Variants in PSTPIP2 observed in about 807,000 individuals in gnomAD.
PSTPIP2 encodes proline-serine-threonine phosphatase-interacting protein 2.
PSTPIP2 carries 33 observed loss-of-function variants against 63.3 expected under a neutral mutation model. That is an observed-to-expected ratio of 0.52 (90% CI 0.40 to 0.70). The LOEUF is 0.70. Among genes scored for constraint, PSTPIP2 ranks in the 30% least tolerant of loss-of-function variants. PSTPIP2 has a pLI of 0.00. For synonymous variants in PSTPIP2, 125 were observed against 132.7 expected, an observed-to-expected ratio of 0.94 and a Z score of 0.40; for missense variants, 312 against 400.7, an observed-to-expected ratio of 0.78 and a Z score of 1.89.
chr18:46,006,360 CT>C lies in PSTPIP2; in HGVS notation c.355-830del, dbSNP rs756384731. ...TGAGCCACCATGCCCAGCCCTGGTA[CT>C]TTTTTTTTTTTTTTTTTTTTTTTTT... is the stretch of plus-strand genomic sequence containing the variant. On this transcript the variant is annotated intron_variant, in intron 5 of 14. Transcript: ENST00000409746. Among the ~76,000 whole-genome samples the C allele has an allele frequency of 6.9e-5, 8 of 115,644 alleles. 2 individuals are homozygous for C. The highest frequency in any genetic ancestry group is 3.0e-4 in the African/African-American group (8 of 27,116). The allele number at this position is 115,644 out of a possible 152,430, so 75.9% of individuals were successfully genotyped here.
At chr18:46,054,678 T>TG (rs34907961) in intron 1 of PSTPIP2, among the ~76,000 whole-genome samples, 2 of 151,602 alleles carry the variant, frequency 1.3e-5, no homozygotes, top group African/African-American at 4.8e-5. Flanking sequence ...TTTTTTTTTT[T>TG]GAGACAGAGT....
rs1908048578 is a variant in PSTPIP2, at chr18:46,038,100, A to AC, written c.134+1846dup. Among the ~76,000 whole-genome samples, 3 of 152,244 alleles carry AC rather than the reference A, an allele frequency of 2.0e-5. No individual in the cohort carries two copies. In the East Asian group the frequency reaches 5.8e-4, roughly 29 times the overall value. ...TTGAAAGACAGGATCTCACTCTGTC[A>AC]CCCAGGCTAGAGGGCAGTGGTGCAA... On this transcript the variant is annotated intron_variant, in intron 2 of 14. Transcript: ENST00000409746.
chr18:45,988,724 A>G lies in PSTPIP2; in HGVS notation c.991T>C (p.Leu331=). 6.4e-7 allele frequency: 1 copy of G among 1,563,054 alleles called. No homozygotes were observed. The highest frequency in any genetic ancestry group is 8.8e-7 in the Non-Finnish European group (1 of 1,133,950). ...PNYSLVDDYS[L]LYQ is the part of the protein sequence containing the mutation. ...TACCATTGATTTTACTGATAGAGCAAACTGTAGTCATCAACCAAAGAGTAA... is the reference window on the plus strand; with the variant it reads ...TACCATTGATTTTACTGATAGAGCAGACTGTAGTCATCAACCAAAGAGTAA... Residue 331 remains leucine, a synonymous_variant, in exon 14 of 15, where the codon TTG becomes CTG. Coordinates refer to ENST00000409746, the MANE Select transcript of PSTPIP2 (RefSeq NM_024430.4).
intron 1 of PSTPIP2, among the ~76,000 whole-genome samples, chr18:46,069,256 A>C (rs1224792832): frequency 6.6e-6 from 1 of 152,092 alleles, no homozygotes; most frequent in Non-Finnish European, 1.5e-5. Flanking sequence ...TCATCCCAAA[A>C]ACTGGAATTT....
chr18:46,026,460 A>T (rs1907584138), intron 2 of PSTPIP2, among the ~76,000 whole-genome samples: 1 of 152,246 alleles, frequency 6.6e-6, no homozygotes, highest in South Asian at 2.1e-4. Context: ...ATGTATATAC[A>T]ACTTATTCTT....
rs566253142 is a variant in PSTPIP2, at chr18:46,001,657, G to A, written c.418-2123C>T. On this transcript the variant is annotated intron_variant, in intron 6 of 14. Transcript: ENST00000409746. ...CTTATAAAACTGAAATTCTATGCCC[G>A]TTAAACAATAACATCTCAACTTCTT... Among the ~76,000 whole-genome samples the A allele has an allele frequency of 1.5e-4, 23 of 152,070 alleles. No homozygotes were observed. In the South Asian group the frequency reaches 3.1e-3, roughly 21 times the overall value.
chr18:46,003,146 AC>A (rs761255124), intron 6 of PSTPIP2, among the ~76,000 whole-genome samples: 6 of 152,172 alleles, frequency 3.9e-5, no homozygotes, highest in Admixed American at 2.0e-4. Flanking sequence ...AGTGTGTGTG[AC>A]CCAGTTACTA....
chr18:46,003,399 G>C (rs2051689932), intron 6 of PSTPIP2, among the ~76,000 whole-genome samples: 1 of 152,172 alleles, frequency 6.6e-6, no homozygotes, highest in Admixed American at 6.5e-5. Context: ...GCCTGGTGTG[G>C]TGGAAGTTTA....
chr18:46,052,727 A>T (rs181203627), intron 1 of PSTPIP2, among the ~76,000 whole-genome samples: 177 of 152,336 alleles, frequency 1.2e-3, no homozygotes, highest in African/African-American at 4.1e-3. Context: ...CCCAGACAAA[A>T]GTAGATTTAC....
intron 13 of PSTPIP2, among the ~76,000 whole-genome samples, chr18:45,990,119 G>A (rs1187321682): frequency 1.3e-5 from 2 of 152,126 alleles, no homozygotes; most frequent in Non-Finnish European, 2.9e-5. Context: ...TAATCCAAGG[G>A]GAACTATATC....
At chr18:46,060,203 C>A (rs1431967385) in intron 1 of PSTPIP2, among the ~76,000 whole-genome samples, 1 of 152,000 alleles carries the variant, frequency 6.6e-6, no homozygotes, top group East Asian at 1.9e-4. Flanking sequence ...TGTTTTAAAT[C>A]ATAATTTTTA....
At chr18:46,059,631 T>C (rs149925256) in intron 1 of PSTPIP2, among the ~76,000 whole-genome samples, 2 of 152,340 alleles carry the variant, frequency 1.3e-5, no homozygotes, top group African/African-American at 4.8e-5. Context: ...ATAATATTTT[T>C]CAAAGTGTCT....
chr18:46,028,788 T>C, intron 2 of PSTPIP2: 1 of 1,289,742 alleles, frequency 7.8e-7, no homozygotes, highest in Non-Finnish European at 1.1e-6. Flanking sequence ...GAGGAGTACC[T>C]GCCTGGGCAG....
At chr18:46,028,897 C>T in intron 2 of PSTPIP2, 1 of 1,571,334 alleles carries the variant, frequency 6.4e-7, no homozygotes, top group South Asian at 1.1e-5. Context: ...ATCAACTTCT[C>T]TTCCAAGAGG....
chr18:46,069,932 G>A (rs560766137), intron 1 of PSTPIP2, among the ~76,000 whole-genome samples: 3 of 152,032 alleles, frequency 2.0e-5, no homozygotes, highest in East Asian at 3.9e-4. Context: ...TCTTTTACTT[G>A]TCACCTCTAC....
intron 4 of PSTPIP2, 65 bp from the exon 5 acceptor site, chr18:46,011,352 A>C: frequency 7.9e-7 from 1 of 1,261,172 alleles, no homozygotes; most frequent in Non-Finnish European, 1.1e-6. Flanking sequence ...ATATAAAATC[A>C]TACAAAATAA....
chr18:46,020,680 A>T (rs1201979937), intron 3 of PSTPIP2, among the ~76,000 whole-genome samples: 1 of 152,152 alleles, frequency 6.6e-6, no homozygotes, highest in African/African-American at 2.4e-5. Flanking sequence ...TGTCTTCTAG[A>T]ACATCTTCCT....
At chr18:46,040,213 C>A in intron 1 of PSTPIP2, 166 bp from the exon 2 acceptor site, 1 of 491,240 alleles carries the variant, frequency 2.0e-6, no homozygotes, top group Non-Finnish European at 3.6e-6. Context: ...TCCACCCCCA[C>A]CCTGGAGATG....
At chr18:46,035,326 G>A (rs929549818) in intron 2 of PSTPIP2, among the ~76,000 whole-genome samples, 1 of 151,560 alleles carries the variant, frequency 6.6e-6, no homozygotes, top group East Asian at 1.9e-4. Context: ...AGGCTTAGGT[G>A]TGAGAATTGT....
Sources: gnomAD v4.1 joint callset for allele counts (sites outside exome capture counted in the v4.1 genomes callset) on GRCh38, gnomAD v4.1.1 for gene constraint, MANE v1.5 for transcripts, NCBI Gene and HGNC (gene_info 2026-07-23, HGNC 2026-07-21) for gene names.